The following ZNF559 variants were observed in gnomAD, a reference collection of about 807,000 sequenced individuals.
ZNF559 encodes zinc finger protein 559.
Under a neutral mutation model 14.2 loss-of-function variants are expected in ZNF559, and 17 were observed. That is an observed-to-expected ratio of 1.20 (90% CI 0.82 to 1.80). The LOEUF is 1.80. Ranked by LOEUF, ZNF559 falls within the 40% of genes most tolerant of loss-of-function variation. ZNF559 has a pLI of 0.00. For synonymous variants in ZNF559, 244 were observed against 212.4 expected (o/e 1.15, Z -1.29); for missense variants, 740 against 629.7 (o/e 1.18, Z -1.88).
chr19:9,336,404 C>T (rs181251095), intron 2 of ZNF559, among the ~76,000 whole-genome samples: 1 of 151,878 alleles, frequency 6.6e-6, no homozygotes, highest in Non-Finnish European at 1.5e-5. Flanking sequence ...CCAGCCTGAC[C>T]AACATAGGGA....
intron 2 of ZNF559, among the ~76,000 whole-genome samples, chr19:9,326,351 G>A (rs1017946968): frequency 3.3e-5 from 5 of 151,934 alleles, no homozygotes; most frequent in African/African-American, 4.8e-5. Flanking sequence ...GTGATCTGCC[G>A]GCCTTGGCCT....
chr19:9,339,506 T>G (rs150621609), intron 5 of ZNF559, among the ~76,000 whole-genome samples, 187 bp downstream of exon 5: 97 of 152,308 alleles, frequency 6.4e-4, no homozygotes, highest in African/African-American at 2.2e-3. Flanking sequence ...TTGTTCTAGC[T>G]TTATTTTCTC....
At chr19:9,324,892 A>T in intron 2 of ZNF559, 112 bp downstream of exon 2, 2 of 833,096 alleles carry the variant, frequency 2.4e-6, no homozygotes, top group Non-Finnish European at 3.8e-6. Flanking sequence ...CATGGATCTG[A>T]TACCATCGAA....
chr19:9,331,635 G>A (rs2066940835), intron 2 of ZNF559, among the ~76,000 whole-genome samples: 1 of 152,132 alleles, frequency 6.6e-6, no homozygotes, highest in African/African-American at 2.4e-5. Context: ...TTTGCAGAAG[G>A]GCTGATGAGG....
At chr19:9,332,615 G>A (rs992657055) in intron 2 of ZNF559, among the ~76,000 whole-genome samples, 16 of 152,266 alleles carry the variant, frequency 1.1e-4, no homozygotes, top group African/African-American at 3.8e-4. Context: ...CTTGGTGAAA[G>A]TCTGTGGATG....
chr19:9,342,881 C>T lies in ZNF559; in HGVS notation c.1430C>T (p.Ser477Leu), dbSNP rs751926292. The T allele has an allele frequency of 1.2e-5, 19 of 1,614,070 alleles. No homozygotes were observed. In the Admixed American group the frequency reaches 2.7e-4, roughly 23 times the overall value. The change falls in exon 7 of 7, where the codon TCA (serine) becomes TTA (leucine). Residue 477 changes from serine (S) to leucine (L), a missense_variant. By Grantham distance (145) the Ser-to-Leu change is moderately radical. Coordinates refer to ENST00000603380, the MANE Select transcript of ZNF559 (RefSeq NM_032497.3). ...AAGTGTGGGCAAGCCTTCAGTATCT[C>T]ATCAGGCCTTACAGTACACATGAGA... ...CQKCGQAFSI[S>L]SGLTVHMRTH...
At chr19:9,332,467 T>C (rs2066990127) in intron 2 of ZNF559, among the ~76,000 whole-genome samples, 1 of 152,130 alleles carries the variant, frequency 6.6e-6, no homozygotes, top group Non-Finnish European at 1.5e-5. Context: ...GTACCTTAAA[T>C]GGATTTATCT....
intron 2 of ZNF559, among the ~76,000 whole-genome samples, chr19:9,325,449 AG>A (rs201642337): frequency 0.024 from 3,612 of 151,030 alleles, 107 homozygotes; most frequent in African/African-American, 0.075. Context: ...TTCAAAAAGA[AG>A]AAAAAAAAAC....
At chr19:9,336,473 C>G (rs527637338) in intron 2 of ZNF559, among the ~76,000 whole-genome samples, 100 of 152,100 alleles carry the variant, frequency 6.6e-4, no homozygotes, top group African/African-American at 2.3e-3. Context: ...TGCCTGTAAT[C>G]CCAGCTACTC....
chr19:9,339,196 T>C lies in ZNF559; in HGVS notation c.37T>C (p.Ser13Pro). ...CAGCATGTGTGTGATGGTTTAGGACTCAGTGACCTTTGAGGATGTGGCTGT... is the reference window on the plus strand; with the variant it reads ...CAGCATGTGTGTGATGGTTTAGGACCCAGTGACCTTTGAGGATGTGGCTGT... Reference protein sequence around the residue: ...AGWLTNYSQDSVTFEDVAVDF... With the variant: ...AGWLTNYSQDPVTFEDVAVDF... Residue 13 changes from serine (S) to proline (P), a missense_variant, in exon 5 of 7, where the codon TCA becomes CCA. Physicochemically the swap from Ser to Pro is moderately conservative, Grantham distance 74. Transcript: ENST00000603380. 6.2e-7 allele frequency: 1 copy of C among 1,613,792 alleles called. No homozygotes were observed. Among genetic ancestry groups the C allele is most frequent in the Non-Finnish European group, 8.5e-7 (1 of 1,179,782 alleles).
chr19:9,323,826 G>A (rs2145006365), upstream of ZNF559: 3 of 307,188 alleles, frequency 9.8e-6, no homozygotes, highest in Non-Finnish European at 1.8e-5. Flanking sequence ...GGAGGTATTG[G>A]GACTCATGAA....
At position 9,344,536 on chromosome 19, in the gene ZNF559, T is replaced by G. The variant is rs989968867; in HGVS notation, c.*1468T>G. 7.9e-5 allele frequency: 12 copies of G among 152,048 alleles called. No individual in the cohort carries two copies. The highest frequency in any genetic ancestry group is 2.9e-4 in the African/African-American group (12 of 41,374). The allele number at this position is 152,048 out of a possible 1,614,324, so 9.4% of individuals were successfully genotyped here. A position where few individuals can be genotyped will look rare whatever the true frequency, so the allele number is the denominator to read the frequency against. On this transcript the variant is annotated 3_prime_UTR_variant, in exon 7 of 7. Transcript: ENST00000603380. ...GTTTGTGCCTATAGTCCCAGCTATT[T>G]AGGAGGCTGGGGCAAGAGGATTGCT...
At position 9,344,901 on chromosome 19, in the gene ZNF559, C is replaced by CTT. The variant is rs1417974655; in HGVS notation, c.*1835_*1836dup. 1.3e-5 allele frequency: 2 copies of CTT among 152,168 alleles called. No individual in the cohort carries two copies. Among genetic ancestry groups the CTT allele is most frequent in the Non-Finnish European group, 2.9e-5 (2 of 68,034 alleles). The allele number at this position is 152,168 out of a possible 1,614,324, so 9.4% of individuals were successfully genotyped here. A position where few individuals can be genotyped will look rare whatever the true frequency, so the allele number is the denominator to read the frequency against. ...AAACTGCACATGTTTTTAGCATACACTTTAAGTTTGGACACATACACATAT... is the reference window on the plus strand; with the variant it reads ...AAACTGCACATGTTTTTAGCATACACTTTTTAAGTTTGGACACATACACATAT... On this transcript the variant is annotated 3_prime_UTR_variant, in exon 7 of 7. Transcript: ENST00000603380.
rs2067665498 is a variant in ZNF559 at position 9,343,484 on chromosome 19, G to A, written c.*416G>A. On this transcript the variant is annotated 3_prime_UTR_variant, in exon 7 of 7. Transcript: ENST00000603380. Reference sequence around the variant, plus strand: ...CACGTCCTCTGGCTGTAAGGAATGTGTTGAAACCTTTCACTCTGCCTTATA... The same window carrying A: ...CACGTCCTCTGGCTGTAAGGAATGTATTGAAACCTTTCACTCTGCCTTATA... The A allele has an allele frequency of 1.9e-6, 2 of 1,026,698 alleles. No individual in the cohort carries two copies. The highest frequency in any genetic ancestry group is 2.3e-6 in the Non-Finnish European group (2 of 853,886). 63.6% of individuals were successfully genotyped at this position (1,026,698 alleles called of 1,614,324 possible).
At chr19:9,338,120 T>C in intron 3 of ZNF559, 1 of 1,030,594 alleles carries the variant, frequency 9.7e-7, no homozygotes, top group Non-Finnish European at 1.5e-6. Flanking sequence ...GCTTTTGAGA[T>C]ACCTAGAAGA....
rs768164904 is a variant in ZNF559 at position 9,341,777 on chromosome 19, A to G, written c.326A>G (p.His109Arg). 6.2e-6 allele frequency: 10 copies of G among 1,606,332 alleles called. No homozygotes were observed. In the East Asian group the frequency reaches 2.2e-4, roughly 36 times the overall value. Residue 109 changes from histidine to arginine, a missense_variant, in exon 7 of 7, where the codon CAC becomes CGC. By Grantham distance (29) the His-to-Arg change is conservative. Coordinates refer to ENST00000603380, the MANE Select transcript of ZNF559 (RefSeq NM_032497.3). ...AGTGAACACTCATGCCTTAAGACTC[A>G]CAGGAGAACTTACTTTAGAAAGAAA... The part of the protein sequence containing the change: ...ALSEHSCLKT[H>R]RRTYFRKKTC...
chr19:9,342,059 G>A lies in ZNF559; in HGVS notation c.608G>A (p.Cys203Tyr). ...GLPSSSHLRE[C>Y]VRIYGGERPY... ...CCTTCCTCCTCACACCTCAGAGAATGTGTAAGAATTTATGGTGGAGAGAGA... is the reference window on the plus strand; with the variant it reads ...CCTTCCTCCTCACACCTCAGAGAATATGTAAGAATTTATGGTGGAGAGAGA... Residue 203 changes from cysteine to tyrosine, a missense_variant, in exon 7 of 7, where the codon TGT becomes TAT. Physicochemically the swap from Cys to Tyr is radical, Grantham distance 194. Transcript: ENST00000603380. 6.2e-7 allele frequency: 1 copy of A among 1,610,522 alleles called. No homozygotes were observed. The highest frequency in any genetic ancestry group is 8.5e-7 in the Non-Finnish European group (1 of 1,178,952).
chr19:9,324,439 G>A (rs1252786057), intron 1 of ZNF559: 1 of 1,438,318 alleles, frequency 7.0e-7, no homozygotes, highest in Non-Finnish European at 9.1e-7. Flanking sequence ...CTGCGCTGGG[G>A]CCTCGGCCCG....
chr19:9,343,291 T>C lies in ZNF559; in HGVS notation c.*223T>C, dbSNP rs772659054. The stretch of plus-strand genomic sequence containing the variant: ...ATAGGCCTTACTATTCATGTGTCTG[T>C]GCATCCTAGGAAACAAACTGAACGT... On this transcript the variant is annotated 3_prime_UTR_variant, in exon 7 of 7. Coordinates refer to ENST00000603380, the MANE Select transcript of ZNF559 (RefSeq NM_032497.3). 2 of 1,334,904 alleles carry C rather than the reference T, an allele frequency of 1.5e-6. No individual in the cohort carries two copies. Among genetic ancestry groups the C allele is most frequent in the Middle Eastern group, 2.8e-4 (1 of 3,514 alleles). 82.7% of individuals were successfully genotyped at this position (1,334,904 alleles called of 1,614,324 possible).
Sources: allele counts gnomAD v4.1 joint callset (sites outside exome capture counted in the v4.1 genomes callset), GRCh38; gene constraint gnomAD v4.1.1; transcripts MANE v1.5; gene names NCBI Gene and HGNC (gene_info 2026-07-23, HGNC 2026-07-21).